The following MN1 variants were observed in gnomAD, a reference collection of about 807,000 sequenced individuals.
MN1 encodes the protein transcriptional activator MN1.
Under a neutral mutation model 86.9 loss-of-function variants are expected in MN1, and 19 were observed. The observed-to-expected ratio is 0.22, with a 90% CI of 0.15 to 0.32. The LOEUF (loss-of-function observed/expected upper bound fraction) is 0.32, where lower values mean the gene tolerates loss of function less well. MN1 is among the 10% of genes least tolerant of loss of function. The probability of loss-of-function intolerance (pLI) is 1.00; values close to 1 mark genes in which losing one functional copy is unlikely to be tolerated. For missense variants in MN1, 1,841 were observed against 1,862.0 expected, an observed-to-expected ratio of 0.99 and a Z score of 0.21; for synonymous variants, 928 against 849.6, an observed-to-expected ratio of 1.09 and a Z score of -1.60.
Position 27,798,462 on chromosome 22 carries a change from C to G in MN1, c.2082G>C (p.Ala694=), listed in dbSNP as rs1933351214. Residue 694 remains alanine, a synonymous_variant, in exon 1 of 2, where the codon GCG becomes GCC. Transcript: ENST00000302326. The part of the protein sequence containing the change: ...MRMPGEGHVP[A]LPSPGLQFGG... Reference sequence around the variant, plus strand: ...CGAACTGCAGGCCCGGTGAAGGCAGCGCGGGCACGTGGCCCTCTCCGGGCA... The same window carrying G: ...CGAACTGCAGGCCCGGTGAAGGCAGGGCGGGCACGTGGCCCTCTCCGGGCA... The G allele has an allele frequency of 6.4e-7, 1 of 1,564,876 alleles. No homozygotes were observed. The highest frequency in any genetic ancestry group is 8.6e-7 in the Non-Finnish European group (1 of 1,164,922).
intron 1 of MN1, among the ~76,000 whole-genome samples, chr22:27,771,773 C>T (rs1932918869): frequency 1.3e-5 from 2 of 152,056 alleles, no homozygotes; most frequent in African/African-American, 2.4e-5. Flanking sequence ...AAAAAGTTTG[C>T]CAACTCCTGC....
At position 27,799,943 on chromosome 22, in the gene MN1, C is replaced by G; in HGVS notation, c.601G>C (p.Ala201Pro). Residue 201 changes from alanine to proline, a missense_variant, in exon 1 of 2, where the codon GCC (alanine) becomes CCC (proline). Physicochemically the swap from Ala to Pro is conservative, Grantham distance 27 (BLOSUM62 -1). Transcript: ENST00000302326. ...GAGGACGGCAGGCCGTGGAAGGAGG[C>G]GGCTCGGTTAGGGCTCTGGTCCAGC... ...LPLDQSPNRA[A>P]SFHGLPSSSG... is the part of the protein sequence containing the mutation. 1 of 1,602,534 alleles carries G rather than the reference C, an allele frequency of 6.2e-7. No individual in the cohort carries two copies. Among genetic ancestry groups the G allele is most frequent in the Non-Finnish European group, 8.5e-7 (1 of 1,175,160 alleles).
intron 1 of MN1, among the ~76,000 whole-genome samples, chr22:27,795,909 G>A (rs1221241587): frequency 6.6e-6 from 1 of 152,142 alleles, no homozygotes; most frequent in African/African-American, 2.4e-5. Flanking sequence ...GTGGGGAGGG[G>A]GTGCTTAGAA....
At chr22:27,775,513 A>G (rs1932966222) in intron 1 of MN1, among the ~76,000 whole-genome samples, 1 of 152,146 alleles carries the variant, frequency 6.6e-6, no homozygotes, top group African/African-American at 2.4e-5. Flanking sequence ...AGGTTATAGC[A>G]GTGCATACCG....
chr22:27,798,710 C>A lies in MN1; in HGVS notation c.1834G>T (p.Ala612Ser). ...NFEREGGSTGAGRLGTFEQQA... is the reference protein window; with the variant it reads ...NFEREGGSTGSGRLGTFEQQA... ...TGCTCGAAGGTGCCCAGACGCCCGG[C>A]GCCCGTGCTGCCGCCTTCGCGCTCA... The change falls in exon 1 of 2, where the codon GCC (alanine) becomes TCC (serine). Residue 612 changes from alanine to serine, a missense_variant. Ala to Ser is a moderately conservative substitution (Grantham distance 99, BLOSUM62 1). Transcript: ENST00000302326. 1 of 1,535,138 alleles carries A rather than the reference C, an allele frequency of 6.5e-7. No homozygotes were observed. Among genetic ancestry groups the A allele is most frequent in the Non-Finnish European group, 8.7e-7 (1 of 1,146,920 alleles).
chr22:27,751,814 A>G (rs1932767080), intron 1 of MN1, among the ~76,000 whole-genome samples: 1 of 152,108 alleles, frequency 6.6e-6, no homozygotes. Flanking sequence ...AGCCACAAAG[A>G]CTAGACGCCC....
At chr22:27,789,883 G>C (rs1026791432) in intron 1 of MN1, among the ~76,000 whole-genome samples, 4 of 152,246 alleles carry the variant, frequency 2.6e-5, no homozygotes, top group African/African-American at 9.6e-5. Flanking sequence ...TCTCAGCCTA[G>C]AGAGAATGAC....
rs12628071 is a variant in MN1, at chr22:27,800,136, G to A, written c.408C>T (p.Tyr136=). 1,196 of 1,559,672 alleles carry A rather than the reference G, an allele frequency of 7.7e-4. 11 individuals are homozygous for A. The East Asian group carries it at 0.024, about 31-fold the overall frequency. The change falls in exon 1 of 2, where the codon TAC becomes TAT. Residue 136 remains tyrosine (Y), a synonymous_variant. Transcript: ENST00000302326. ...SCLHGGRLLG[Y]GGAAGGLGSQ... The stretch of plus-strand genomic sequence containing the variant: ...TGCCCAGGCCTCCGGCTGCGCCGCC[G>A]TAGCCGAGCAGGCGACCCCCGTGCA...
Position 27,797,302 on chromosome 22 carries a change from G to A in MN1, c.3242C>T (p.Ser1081Leu), listed in dbSNP as rs767922686. Residue 1081 changes from serine to leucine, a missense_variant, in exon 1 of 2, where the codon TCG (serine) becomes TTG (leucine). By Grantham distance (145) the Ser-to-Leu change is moderately radical. Transcript: ENST00000302326. ...KASRSPLVTG[S>L]PKLPPRGVGA... ...TACCCCACGGGGAGGGAGTTTGGGC[G>A]AGCCGGTCACCAGGGGACTCCTGCT... The A allele has an allele frequency of 2.5e-6, 4 of 1,599,366 alleles. No individual in the cohort carries two copies. Among genetic ancestry groups the A allele is most frequent in the African/African-American group, 1.3e-5 (1 of 75,020 alleles).
At position 27,752,617 on chromosome 22, in the gene MN1, G is replaced by A. The variant is rs45523831; in HGVS notation, c.3782-1521C>T. On this transcript the variant is annotated intron_variant, in intron 1 of 1. Transcript: ENST00000302326. The stretch of plus-strand genomic sequence containing the variant: ...GGAATTTGCAGGACTTCTCATTTAC[G>A]GCTACCACATGACCACTGGCTCTGT... Among the ~76,000 whole-genome samples, 552 of 152,252 alleles carry A rather than the reference G, an allele frequency of 3.6e-3. 1 individual carries two copies. The highest frequency in any genetic ancestry group is 6.5e-3 in the Non-Finnish European group (445 of 68,014).
At chr22:27,764,583 C>T (rs1253300286) in intron 1 of MN1, among the ~76,000 whole-genome samples, 1 of 152,190 alleles carries the variant, frequency 6.6e-6, no homozygotes, top group African/African-American at 2.4e-5. Flanking sequence ...AATCAGAAGC[C>T]TGAGAGGAAT....
At chr22:27,757,499 A>AT (rs1932808848) in intron 1 of MN1, among the ~76,000 whole-genome samples, 2 of 152,204 alleles carry the variant, frequency 1.3e-5, no homozygotes, top group African/African-American at 4.8e-5. Context: ...TTCCGGGCAT[A>AT]TTTTTAACTC....
intron 1 of MN1, among the ~76,000 whole-genome samples, chr22:27,765,801 T>C (rs1434629061): frequency 6.6e-6 from 1 of 152,180 alleles, no homozygotes; most frequent in Non-Finnish European, 1.5e-5. Flanking sequence ...AGGCTGTGTC[T>C]TCTTACCCGC....
rs1377278005 is a variant in MN1, at chr22:27,799,832, C to T, written c.712G>A (p.Glu238Lys). 1.9e-6 allele frequency: 3 copies of T among 1,597,320 alleles called. No homozygotes were observed. The highest frequency in any genetic ancestry group is 1.3e-5 in the African/African-American group (1 of 74,642). ...ATGTCAAAATGTCCCGAGGGCGCCT[C>T]GCCCGGGTAATTGTATTCCAGCGAG... ...VDSLEYNYPGEAPSGHFDMFS... is the reference protein window; with the variant it reads ...VDSLEYNYPGKAPSGHFDMFS... Residue 238 changes from glutamate to lysine, a missense_variant, in exon 1 of 2, where the codon GAG (glutamate) becomes AAG (lysine). Physicochemically the swap from Glu to Lys is moderately conservative, Grantham distance 56 (BLOSUM62 1). Coordinates refer to ENST00000302326, the MANE Select transcript of MN1 (RefSeq NM_002430.3).
chr22:27,761,384 A>C (rs1601324784), intron 1 of MN1, among the ~76,000 whole-genome samples: 1 of 134,904 alleles, frequency 7.4e-6, no homozygotes, highest in Non-Finnish European at 1.6e-5. Flanking sequence ...AGTTCTTCTT[A>C]TTTCTCTCTC....
chr22:27,768,400 C>T (rs1932886743), intron 1 of MN1, among the ~76,000 whole-genome samples: 2 of 152,196 alleles, frequency 1.3e-5, no homozygotes, highest in East Asian at 3.9e-4. Flanking sequence ...AGCTCACCCA[C>T]CTGAGCAAAA....
In MN1 at chr22:27,797,635, C is replaced by G; in HGVS notation, c.2909G>C (p.Gly970Ala). 1 of 1,594,110 alleles carries G rather than the reference C, an allele frequency of 6.3e-7. No homozygotes were observed. Among genetic ancestry groups the G allele is most frequent in the South Asian group, 1.1e-5 (1 of 88,330 alleles). ...DKYSAAPDSG[G>A]APGVSPGQQQ... ...CTGCCCTGGGCTCACCCCAGGTGCG[C>G]CCCCGCTGTCCGGAGCCGCCGAGTA... is the stretch of plus-strand genomic sequence containing the variant. The change falls in exon 1 of 2, where the codon GGC becomes GCC. Residue 970 changes from glycine to alanine, a missense_variant. Transcript: ENST00000302326.
intron 1 of MN1, among the ~76,000 whole-genome samples, chr22:27,760,215 C>T (rs1399417936): frequency 6.6e-6 from 1 of 152,118 alleles, no homozygotes; most frequent in African/African-American, 2.4e-5. Flanking sequence ...AGTAGTGGCA[C>T]ATGCCTGTAG....
intron 1 of MN1, among the ~76,000 whole-genome samples, chr22:27,766,458 G>A (rs1030453110): frequency 2.6e-5 from 4 of 152,118 alleles, no homozygotes; most frequent in Non-Finnish European, 4.4e-5. Context: ...GGGAAGAGGC[G>A]GGTGCAGGGG....
Sources: allele counts gnomAD v4.1 joint callset (sites outside exome capture counted in the v4.1 genomes callset), GRCh38; gene constraint gnomAD v4.1.1; transcripts MANE v1.5; gene names NCBI Gene and HGNC (gene_info 2026-07-23, HGNC 2026-07-21).